CFAP47: variants seen among roughly 807,000 people sequenced by gnomAD.
CFAP47 encodes the protein cilia- and flagella-associated protein 47.
In CFAP47, 29 loss-of-function variants were observed where a neutral mutation model predicts 148.1. That is an observed-to-expected ratio of 0.20 (90% CI 0.15 to 0.27). CFAP47 has a LOEUF of 0.27. Among genes scored for constraint, CFAP47 ranks in the 10% least tolerant of loss-of-function variants. The pLI is 1.00. For synonymous variants in CFAP47, 664 were observed against 577.3 expected, an observed-to-expected ratio of 1.15 and a Z score of -2.15; for missense variants, 1,872 against 1,697.5, an observed-to-expected ratio of 1.10 and a Z score of -1.81.
chrX:36,149,024 A>G, intron 36 of CFAP47, 84 bp from the exon 37 acceptor site: 1 of 265,094 alleles, frequency 3.8e-6, no homozygotes, highest in East Asian at 5.4e-5. Context: ...ATCTATTGCT[A>G]TCTTTGATAA....
intron 27 of CFAP47, among the ~76,000 whole-genome samples, chrX:36,067,921 G>A (rs1288187011): frequency 9.0e-6 from 1 of 110,976 alleles, no homozygotes; most frequent in Non-Finnish European, 1.9e-5. Context: ...AAAGTGCTGG[G>A]ATTACAGGCG....
At chrX:36,247,292 G>A (rs73199306) in intron 48 of CFAP47, among the ~76,000 whole-genome samples, 6,297 of 110,060 alleles carry the variant, frequency 0.057, 153 homozygotes, top group Middle Eastern at 0.13. Flanking sequence ...GGGAAGGAGG[G>A]GGCATGTGTT....
chrX:36,038,892 G>A (rs755275118), intron 24 of CFAP47, 92 bp from the exon 25 acceptor site: 21 of 418,399 alleles, frequency 5.0e-5, no homozygotes, highest in South Asian at 1.3e-4. Flanking sequence ...TAACATCATC[G>A]TACATTTTGA....
intron 25 of CFAP47, among the ~76,000 whole-genome samples, chrX:36,043,306 G>A (rs751675073): frequency 2.4e-4 from 27 of 112,297 alleles, no homozygotes; most frequent in Non-Finnish European, 3.6e-4. Flanking sequence ...AAGCAATCAT[G>A]TCTTCCTGAC....
At chrX:35,967,896 G>T in intron 10 of CFAP47, 64 bp downstream of exon 10, 1 of 614,460 alleles carries the variant, frequency 1.6e-6, no homozygotes, top group Non-Finnish European at 2.6e-6. Context: ...ACATGCAGAA[G>T]TTTCATCAGA....
chrX:36,178,314 G>T (rs1337391624), intron 39 of CFAP47, among the ~76,000 whole-genome samples: 4 of 110,240 alleles, frequency 3.6e-5, no homozygotes, highest in African/African-American at 1.3e-4. Context: ...CCCTGCACAT[G>T]AACTCTCTGC....
intron 1 of CFAP47, among the ~76,000 whole-genome samples, chrX:35,925,104 G>A (rs141375180): frequency 1.3e-3 from 150 of 111,752 alleles, no homozygotes; most frequent in African/African-American, 4.6e-3. Context: ...TGGGTGCCGT[G>A]GCTCACGCCT....
At chrX:36,289,758 T>G (rs1294292109) in intron 51 of CFAP47, among the ~76,000 whole-genome samples, 1 of 112,417 alleles carries the variant, frequency 8.9e-6, no homozygotes, top group Non-Finnish European at 1.9e-5. Flanking sequence ...ATTCATTTAC[T>G]TATTTCTAAA....
intron 37 of CFAP47, among the ~76,000 whole-genome samples, chrX:36,156,950 T>C (rs943369849): frequency 9.0e-6 from 1 of 111,538 alleles, no homozygotes; most frequent in African/African-American, 3.3e-5. Flanking sequence ...GTTCATAAAA[T>C]CTTTCATTAA....
At chrX:35,971,523 A>G in intron 11 of CFAP47, 63 bp from the exon 12 acceptor site, 1 of 757,541 alleles carries the variant, frequency 1.3e-6, no homozygotes, top group Non-Finnish European at 1.8e-6. Flanking sequence ...GCTTGAATTT[A>G]CAGATGCATT....
chrX:36,214,523 T>G lies in CFAP47; in HGVS notation c.6817+9413T>G, dbSNP rs1385544582. Among the ~76,000 whole-genome samples the G allele has an allele frequency of 2.7e-5, 3 of 112,113 alleles. No individual in the cohort carries two copies. In the East Asian group the frequency reaches 8.3e-4, roughly 31 times the overall value. ...ATAAACTTCTTAGTATTTTTAAACTTGTTGACTCTTGTAATAAAACTTAGC... is the reference window on the plus strand; with the variant it reads ...ATAAACTTCTTAGTATTTTTAAACTGGTTGACTCTTGTAATAAAACTTAGC... On this transcript the variant is annotated intron_variant, in intron 45 of 63. Coordinates refer to ENST00000378653, the MANE Select transcript of CFAP47 (RefSeq NM_001304548.2).
intron 45 of CFAP47, among the ~76,000 whole-genome samples, chrX:36,213,224 C>T (rs1555989724): frequency 2.7e-5 from 3 of 111,574 alleles, no homozygotes; most frequent in South Asian, 7.4e-4. Context: ...GCTGTATCTT[C>T]TTAAATAATG....
chrX:36,110,591 G>A (rs1938539598), intron 33 of CFAP47, among the ~76,000 whole-genome samples: 1 of 111,794 alleles, frequency 8.9e-6, no homozygotes, highest in African/African-American at 3.3e-5. Flanking sequence ...GGCAATTTGG[G>A]ATCTTTTTTG....
intron 49 of CFAP47, among the ~76,000 whole-genome samples, chrX:36,256,777 A>G (rs1481437571): frequency 8.9e-6 from 1 of 111,840 alleles, no homozygotes; most frequent in Non-Finnish European, 1.9e-5. Context: ...ACCCCAAACC[A>G]TGCAAATGTG....
chrX:36,084,425 C>T (rs963869636), intron 29 of CFAP47, among the ~76,000 whole-genome samples: 1 of 111,454 alleles, frequency 9.0e-6, no homozygotes, highest in Non-Finnish European at 1.9e-5. Flanking sequence ...TAATGTCATG[C>T]AATAAGTGGA....
chrX:36,090,918 C>G (rs1938173729), intron 30 of CFAP47, among the ~76,000 whole-genome samples: 1 of 110,859 alleles, frequency 9.0e-6, no homozygotes, highest in South Asian at 3.8e-4. Flanking sequence ...CTAATTGCAC[C>G]TAATTATGTT....
chrX:36,307,536 T>G (rs1556009083), intron 55 of CFAP47, among the ~76,000 whole-genome samples: 1 of 111,265 alleles, frequency 9.0e-6, no homozygotes, highest in Non-Finnish European at 1.9e-5. Context: ...AGCTACTTAG[T>G]TAGCCAAGTG....
intron 37 of CFAP47, 117 bp downstream of exon 37, chrX:36,149,340 C>T (rs1468306537): frequency 3.0e-5 from 8 of 266,133 alleles, no homozygotes; most frequent in African/African-American, 5.6e-5. Context: ...AAACGATTGT[C>T]ACTCACAGTC....
intron 29 of CFAP47, among the ~76,000 whole-genome samples, chrX:36,081,400 A>G (rs1937979297): frequency 9.0e-6 from 1 of 111,512 alleles, no homozygotes; most frequent in Middle Eastern, 4.7e-3. Context: ...TCACAGCCAA[A>G]TTCTACCAGA....
Sources: gnomAD v4.1 joint callset for allele counts (sites outside exome capture counted in the v4.1 genomes callset) on GRCh38, gnomAD v4.1.1 for gene constraint, MANE v1.5 for transcripts, NCBI Gene and HGNC (gene_info 2026-07-23, HGNC 2026-07-21) for gene names.